The following RALGAPA1 variants were observed in gnomAD, a reference collection of about 807,000 sequenced individuals.
The protein encoded by RALGAPA1 is Ral GTPase activating protein catalytic subunit alpha 1, also known as ral GTPase-activating protein subunit alpha-1.
In RALGAPA1, 52 loss-of-function variants were observed where a neutral mutation model predicts 269.6. The ratio of observed to expected loss-of-function variants is 0.19; its 90% CI spans 0.15 to 0.24. The LOEUF (loss-of-function observed/expected upper bound fraction) is 0.24. Ranked by LOEUF, RALGAPA1 falls within the 10% of genes least tolerant of loss-of-function variation. The pLI is 1.00. For synonymous variants in RALGAPA1, 817 were observed against 1,008.3 expected (o/e 0.81, Z 3.60); for missense variants, 1,917 against 3,013.9 (o/e 0.64, Z 8.52).
intron 37 of RALGAPA1, among the ~76,000 whole-genome samples, chr14:35,594,888 T>C (rs1156691446): frequency 2.6e-5 from 4 of 152,084 alleles, no homozygotes; most frequent in South Asian, 2.1e-4. Flanking sequence ...ATAACCAAGA[T>C]ATGCAAAACT....
At chr14:35,800,962 G>A (rs867375430) in intron 1 of RALGAPA1, among the ~76,000 whole-genome samples, 7 of 151,542 alleles carry the variant, frequency 4.6e-5, no homozygotes, top group Non-Finnish European at 1.0e-4. Context: ...GCAAGATTGC[G>A]CCATTGCACT....
At chr14:35,633,062 A>C (rs1034351238) in intron 33 of RALGAPA1, among the ~76,000 whole-genome samples, 2 of 152,204 alleles carry the variant, frequency 1.3e-5, no homozygotes, top group African/African-American at 4.8e-5. Flanking sequence ...ATATTAAGCT[A>C]ATCTATTTAC....
intron 39 of RALGAPA1, among the ~76,000 whole-genome samples, chr14:35,555,734 G>C (rs2055534067): frequency 6.6e-6 from 1 of 152,130 alleles, no homozygotes; most frequent in African/African-American, 2.4e-5. Flanking sequence ...TGCCTGAATG[G>C]AGAGTACAGA....
chr14:35,716,059 T>C, intron 16 of RALGAPA1: 24 of 984,974 alleles, frequency 2.4e-5, no homozygotes, highest in Non-Finnish European at 2.8e-5. Flanking sequence ...AAAGCCCCTT[T>C]CTTCCCAATT....
chr14:35,658,210 A>G (rs2063324576), intron 28 of RALGAPA1, among the ~76,000 whole-genome samples: 1 of 152,210 alleles, frequency 6.6e-6, no homozygotes, highest in Non-Finnish European at 1.5e-5. Flanking sequence ...TTTCTCAAAT[A>G]TATTTGTTTT....
At chr14:35,795,200 T>G (rs1224200923) in intron 1 of RALGAPA1, among the ~76,000 whole-genome samples, 1 of 152,080 alleles carries the variant, frequency 6.6e-6, no homozygotes, top group Non-Finnish European at 1.5e-5. Context: ...TAGGAGAGCT[T>G]CTAAGTCGTA....
At chr14:35,680,769 C>T (rs2065363855) in intron 21 of RALGAPA1, among the ~76,000 whole-genome samples, 1 of 151,890 alleles carries the variant, frequency 6.6e-6, no homozygotes. Flanking sequence ...TGCCCACCAC[C>T]ACGCCCGGCT....
chr14:35,557,136 GTA>G (rs1555355540), intron 39 of RALGAPA1, among the ~76,000 whole-genome samples: 26 of 148,214 alleles, frequency 1.8e-4, no homozygotes, highest in Non-Finnish European at 3.0e-4. Context: ...GTGTGTGTGT[GTA>G]TATATATTCT....
intron 1 of RALGAPA1, among the ~76,000 whole-genome samples, chr14:35,790,856 G>A (rs1020989579): frequency 2.0e-5 from 3 of 152,088 alleles, no homozygotes; most frequent in African/African-American, 7.2e-5. Context: ...GTCTGCAAAA[G>A]GGTAATCGCT....
chr14:35,693,504 G>T (rs1193620383), intron 17 of RALGAPA1, among the ~76,000 whole-genome samples: 1 of 150,678 alleles, frequency 6.6e-6, no homozygotes, highest in Non-Finnish European at 1.5e-5. Context: ...TTTTCTTAAG[G>T]GAAACCAACT....
At chr14:35,753,306 G>A (rs115658991) in intron 7 of RALGAPA1, among the ~76,000 whole-genome samples, 1,840 of 152,228 alleles carry the variant, frequency 0.012, 35 homozygotes, top group African/African-American at 0.043. Flanking sequence ...GCATAAATCC[G>A]TCTTGAGATA....
At chr14:35,548,604 G>A (rs1253200506) in intron 40 of RALGAPA1, 66 bp from the exon 41 acceptor site, 5 of 1,093,416 alleles carry the variant, frequency 4.6e-6, no homozygotes, top group Middle Eastern at 4.5e-4. Flanking sequence ...GGAAGGCCAC[G>A]AGTCATTTAT....
chr14:35,734,683 A>G (rs1387411905), intron 12 of RALGAPA1, among the ~76,000 whole-genome samples: 1 of 152,156 alleles, frequency 6.6e-6, no homozygotes, highest in Non-Finnish European at 1.5e-5. Context: ...GCAGTATAAA[A>G]ACAAAGATAA....
At chr14:35,808,655 A>G in intron 1 of RALGAPA1, 75 bp downstream of exon 1, 1 of 1,490,982 alleles carries the variant, frequency 6.7e-7, no homozygotes, top group South Asian at 1.2e-5. Context: ...GTCCCGAGAG[A>G]GAGTCCGCAG....
chr14:35,768,004 T>G (rs948816167), intron 4 of RALGAPA1, among the ~76,000 whole-genome samples: 1 of 152,108 alleles, frequency 6.6e-6, no homozygotes, highest in Admixed American at 6.6e-5. Context: ...CGAACTCCCA[T>G]GCTCAAGCGA....
chr14:35,575,399 G>T lies in RALGAPA1; in HGVS notation c.7210-2681C>A, dbSNP rs138680040. 1.9e-3 allele frequency among the ~76,000 whole-genome samples: 282 copies of T among 152,284 alleles called. 1 individual carries two copies. Among genetic ancestry groups the T allele is most frequent in the African/African-American group, 6.5e-3 (271 of 41,562 alleles). The stretch of plus-strand genomic sequence containing the variant: ...ATTATTACTTGAAGAAGACAAAGCA[G>T]CTAAATGAAATTTAACATGTGTACA... On this transcript the variant is annotated intron_variant, in intron 37 of 41. Transcript: ENST00000680220.
At chr14:35,753,990 C>T (rs2072963568) in intron 7 of RALGAPA1, among the ~76,000 whole-genome samples, 1 of 152,076 alleles carries the variant, frequency 6.6e-6, no homozygotes, top group Non-Finnish European at 1.5e-5. Context: ...CCACAAAATA[C>T]TTGTTGATTT....
intron 1 of RALGAPA1, among the ~76,000 whole-genome samples, chr14:35,791,956 T>C (rs1348430255): frequency 7.1e-6 from 1 of 140,222 alleles, no homozygotes; most frequent in Non-Finnish European, 1.5e-5. Context: ...CACTGTCACC[T>C]AAAAATTATT....
chr14:35,557,136 G>GTGTATA (rs372185798), intron 39 of RALGAPA1, among the ~76,000 whole-genome samples: 33 of 148,210 alleles, frequency 2.2e-4, no homozygotes, highest in Non-Finnish European at 6.0e-5. Context: ...GTGTGTGTGT[G>GTGTATA]TATATATATT....
Sources: allele counts gnomAD v4.1 joint callset (sites outside exome capture counted in the v4.1 genomes callset), GRCh38; gene constraint gnomAD v4.1.1; transcripts MANE v1.5; gene names NCBI Gene and HGNC (gene_info 2026-07-23, HGNC 2026-07-21).